Variants in BSDC1 observed in about 807,000 individuals in gnomAD.
The protein encoded by BSDC1 is BSD domain containing 1, also known as BSD domain-containing protein 1.
BSDC1 carries 29 observed loss-of-function variants against 56.0 expected under a neutral mutation model. The observed-to-expected ratio is 0.52, with a 90% CI of 0.39 to 0.71. BSDC1 has a LOEUF of 0.71. Ranked by LOEUF, BSDC1 falls within the 30% of genes least tolerant of loss-of-function variation. The pLI is 0.00. For synonymous variants in BSDC1, 210 were observed against 215.3 expected (o/e 0.98, Z 0.21); for missense variants, 477 against 548.5 (o/e 0.87, Z 1.30).
At chr1:32,372,809 C>G (rs931563165) in intron 9 of BSDC1, among the ~76,000 whole-genome samples, 2 of 152,216 alleles carry the variant, frequency 1.3e-5, no homozygotes, top group African/African-American at 4.8e-5. Context: ...TTAATCGGCT[C>G]TCTGCTTCCC....
At chr1:32,372,336 C>T (rs1186933384) in intron 9 of BSDC1, among the ~76,000 whole-genome samples, 1 of 152,216 alleles carries the variant, frequency 6.6e-6, no homozygotes, top group African/African-American at 2.4e-5. Context: ...CCAGACTCTT[C>T]GCTGCTTCCT....
chr1:32,381,353 A>G (rs1570140717), intron 4 of BSDC1, 85 bp from the exon 5 acceptor site: 1 of 1,328,302 alleles, frequency 7.5e-7, no homozygotes, highest in Non-Finnish European at 1.1e-6. Context: ...TACTCAGTCA[A>G]CCACAATCCA....
intron 5 of BSDC1, among the ~76,000 whole-genome samples, chr1:32,380,917 T>A (rs1642459009): frequency 1.3e-5 from 2 of 152,100 alleles, no homozygotes; most frequent in South Asian, 4.1e-4. Context: ...GGCAGGGGCT[T>A]AGCTAACAGG....
chr1:32,391,451 G>A (rs1642861879), intron 2 of BSDC1, among the ~76,000 whole-genome samples: 1 of 152,214 alleles, frequency 6.6e-6, no homozygotes, highest in African/African-American at 2.4e-5. Context: ...GTTAAGGGGA[G>A]GAGAAGCAAA....
chr1:32,377,973 C>A lies in BSDC1; in HGVS notation c.673G>T (p.Glu225Ter). 6.2e-7 allele frequency: 1 copy of A among 1,611,910 alleles called. No individual in the cohort carries two copies. Among genetic ancestry groups the A allele is most frequent in the Non-Finnish European group, 8.5e-7 (1 of 1,178,718 alleles). ...CTCACCTCTCAACGCCTCTTACCTTCCTCCTCCTCCCAGCCGGGCTCTTCA... is the reference window on the plus strand; with the variant it reads ...CTCACCTCTCAACGCCTCTTACCTTACTCCTCCTCCCAGCCGGGCTCTTCA... ...ISEEPGWEEE[E>*]EELMGISPIS... Residue 225 changes from glutamate (E) to a stop codon, truncating the protein, a stop_gained, in exon 8 of 11, where the codon GAA (glutamate) becomes TAA (stop). Coordinates refer to ENST00000455895, the MANE Select transcript of BSDC1 (RefSeq NM_018045.8). LOFTEE classifies it high-confidence loss of function.
At chr1:32,377,484 A>ACC (rs1642334034) in intron 8 of BSDC1, among the ~76,000 whole-genome samples, 2 of 152,120 alleles carry the variant, frequency 1.3e-5, no homozygotes, top group African/African-American at 2.4e-5. Context: ...TATGGTGTAA[A>ACC]CAAGAAATGC....
intron 4 of BSDC1, among the ~76,000 whole-genome samples, chr1:32,381,661 G>A (rs560645006): frequency 5.5e-4 from 84 of 152,162 alleles, no homozygotes; most frequent in Non-Finnish European, 6.3e-4. Flanking sequence ...AACCACTCAA[G>A]AATTTATTAA....
rs1467183818 is a variant in BSDC1, at chr1:32,366,238, CGA to C, written c.*382_*383del. The C allele has an allele frequency of 7.8e-6, 3 of 384,498 alleles. No homozygotes were observed. The highest frequency in any genetic ancestry group is 1.5e-5 in the Non-Finnish European group (3 of 200,342). 23.8% of individuals were successfully genotyped at this position (384,498 alleles called of 1,614,324 possible). A position where few individuals can be genotyped will look rare whatever the true frequency, so the allele number is the denominator to read the frequency against. On this transcript the variant is annotated 3_prime_UTR_variant, in exon 11 of 11. Transcript: ENST00000455895. ...CAGAGTATGTTGTCTCAGCTTCCTCCGAGAGAGACTGGTGGTTTAGCTTCTGT... is the reference window on the plus strand; with the variant it reads ...CAGAGTATGTTGTCTCAGCTTCCTCCGAGAGACTGGTGGTTTAGCTTCTGT...
intron 2 of BSDC1, among the ~76,000 whole-genome samples, chr1:32,389,796 A>G (rs1642802841): frequency 6.6e-6 from 1 of 151,760 alleles, no homozygotes; most frequent in Non-Finnish European, 1.5e-5. Flanking sequence ...ACACACACAC[A>G]CACACACACA....
chr1:32,376,704 C>T lies in BSDC1; in HGVS notation c.714G>A (p.Glu238=), dbSNP rs376431699. 2.8e-6 allele frequency: 4 copies of T among 1,427,642 alleles called. No individual in the cohort carries two copies. Among genetic ancestry groups the T allele is most frequent in the Non-Finnish European group, 3.7e-6 (4 of 1,079,808 alleles). The allele number at this position is 1,427,642 out of a possible 1,614,324, so 88.4% of individuals were successfully genotyped here. A position where few individuals can be genotyped will look rare whatever the true frequency, so the allele number is the denominator to read the frequency against. The change falls in exon 9 of 11, where the codon GAG becomes GAA. Residue 238 remains glutamate, a synonymous_variant. Transcript: ENST00000455895. ...AAATTTTGGCCACAGGAACCTTTGCCTCTTTTGGAGATATGGGTGAAATGC... is the reference window on the plus strand; with the variant it reads ...AAATTTTGGCCACAGGAACCTTTGCTTCTTTTGGAGATATGGGTGAAATGC... ...LMGISPISPK[E]AKVPVAKIST...
intron 2 of BSDC1, among the ~76,000 whole-genome samples, chr1:32,387,590 C>T (rs1320099875): frequency 6.6e-6 from 1 of 152,200 alleles, no homozygotes; most frequent in African/African-American, 2.4e-5. Flanking sequence ...ATCCGCCCAC[C>T]TTGGCCTCCC....
At chr1:32,371,988 C>T (rs1642108965) in intron 9 of BSDC1, among the ~76,000 whole-genome samples, 1 of 152,222 alleles carries the variant, frequency 6.6e-6, no homozygotes, top group Non-Finnish European at 1.5e-5. Context: ...CCAACTAAGA[C>T]TCAGCAGGTC....
intron 10 of BSDC1, 56 bp from the exon 11 acceptor site, chr1:32,366,710 G>A: frequency 6.9e-7 from 1 of 1,449,124 alleles, no homozygotes; most frequent in South Asian, 1.5e-5. Flanking sequence ...CCTGAGTCAG[G>A]CCCAGACCTA....
chr1:32,368,138 T>G (rs1439497644), intron 10 of BSDC1: 1 of 1,403,854 alleles, frequency 7.1e-7, no homozygotes, highest in African/African-American at 1.5e-5. Context: ...TCCCAAAGTG[T>G]TGGGATTACA....
At chr1:32,385,493 G>A (rs980263900) in intron 3 of BSDC1, among the ~76,000 whole-genome samples, 5 of 152,156 alleles carry the variant, frequency 3.3e-5, no homozygotes, top group Admixed American at 1.3e-4. Context: ...TTGGGAGGCC[G>A]AAGCAGGTGG....
At chr1:32,373,217 C>A (rs1642158164) in intron 9 of BSDC1, among the ~76,000 whole-genome samples, 1 of 152,224 alleles carries the variant, frequency 6.6e-6, no homozygotes, top group Non-Finnish European at 1.5e-5. Context: ...CTTCCTCCCA[C>A]CTGACTACGG....
At chr1:32,377,419 G>A (rs1642330587) in intron 8 of BSDC1, among the ~76,000 whole-genome samples, 1 of 152,086 alleles carries the variant, frequency 6.6e-6, no homozygotes, top group Admixed American at 6.6e-5. Context: ...TCCTTAAGAG[G>A]GGTAATGGGG....
At chr1:32,394,053 G>A (rs1642962242) in intron 2 of BSDC1, 27 bp downstream of exon 2, 2 of 1,601,562 alleles carry the variant, frequency 1.2e-6, no homozygotes, top group South Asian at 1.1e-5. Context: ...GCCCTGCTGA[G>A]GGAAGAAGGG....
chr1:32,366,422 C>G lies in BSDC1; in HGVS notation c.*200G>C. ...CTATTGTTGGCACAAGTCAGAGTTT[C>G]TGGCCGGGATTTAGAGAGCCCCTTC... On this transcript the variant is annotated 3_prime_UTR_variant, in exon 11 of 11. Coordinates refer to ENST00000455895, the MANE Select transcript of BSDC1 (RefSeq NM_018045.8). 2 of 708,748 alleles carry G rather than the reference C, an allele frequency of 2.8e-6. No individual in the cohort carries two copies. Among genetic ancestry groups the G allele is most frequent in the Non-Finnish European group, 5.2e-6 (2 of 387,888 alleles). The allele number at this position is 708,748 out of a possible 1,614,324, so 43.9% of individuals were successfully genotyped here. A position where few individuals can be genotyped will look rare whatever the true frequency, so the allele number is the denominator to read the frequency against.
Sources: gnomAD v4.1 joint callset for allele counts (sites outside exome capture counted in the v4.1 genomes callset) on GRCh38, gnomAD v4.1.1 for gene constraint, MANE v1.5 for transcripts, NCBI Gene and HGNC (gene_info 2026-07-23, HGNC 2026-07-21) for gene names.